The following MMS22L variants were observed in gnomAD, a reference collection of about 807,000 sequenced individuals.
The protein encoded by MMS22L is MMS22 like, DNA repair protein.
A neutral mutation model predicts 159.1 loss-of-function variants in MMS22L; 74 were observed. That is an observed-to-expected ratio of 0.47 (90% confidence interval 0.39 to 0.56). The LOEUF is 0.56. Ranked by LOEUF, MMS22L falls within the 20% of genes least tolerant of loss-of-function variation. The pLI, the probability that MMS22L is intolerant of heterozygous loss-of-function variation, is 0.00. For synonymous variants in MMS22L, 517 were observed against 506.9 expected (o/e 1.02, Z -0.27); for missense variants, 1,351 against 1,422.1 (o/e 0.95, Z 0.80).
intron 10 of MMS22L, among the ~76,000 whole-genome samples, chr6:97,249,011 C>A (rs774572740): frequency 6.8e-6 from 1 of 147,352 alleles, no homozygotes; most frequent in African/African-American, 2.5e-5. Flanking sequence ...AGGCTGGACA[C>A]ACCCACATAG....
intron 22 of MMS22L, among the ~76,000 whole-genome samples, chr6:97,158,269 C>T (rs1404045432): frequency 6.6e-6 from 1 of 152,048 alleles, no homozygotes; most frequent in African/African-American, 2.4e-5. Context: ...AAAACCAGCT[C>T]CTGGATTCAC....
intron 15 of MMS22L, among the ~76,000 whole-genome samples, chr6:97,183,929 C>T (rs1052990110): frequency 4.6e-5 from 7 of 152,250 alleles, no homozygotes; most frequent in Middle Eastern, 3.4e-3. Context: ...CTCTTTGACC[C>T]CTCTAGCTAC....
chr6:97,167,036 TTCC>T (rs1168895284), intron 20 of MMS22L, among the ~76,000 whole-genome samples: 1 of 152,162 alleles, frequency 6.6e-6, no homozygotes, highest in Non-Finnish European at 1.5e-5. Context: ...CATTTTCCCT[TTCC>T]TCCTCAGCTT....
chr6:97,153,252 C>T (rs1354428602), intron 22 of MMS22L, among the ~76,000 whole-genome samples: 1 of 151,856 alleles, frequency 6.6e-6, no homozygotes, highest in African/African-American at 2.4e-5. Context: ...AGTTGTACAA[C>T]CATCATCACA....
At chr6:97,147,886 T>C (rs1346573797) in intron 24 of MMS22L, among the ~76,000 whole-genome samples, 1 of 152,160 alleles carries the variant, frequency 6.6e-6, no homozygotes, top group African/African-American at 2.4e-5. Context: ...ATAATCAACA[T>C]AGTCATGTCT....
chr6:97,268,973 CA>C (rs1364204739), intron 7 of MMS22L, among the ~76,000 whole-genome samples: 4 of 151,966 alleles, frequency 2.6e-5, no homozygotes, highest in Non-Finnish European at 5.9e-5. Context: ...GACATCTTTA[CA>C]ACCTAAGTGA....
intron 24 of MMS22L, among the ~76,000 whole-genome samples, chr6:97,147,646 T>C (rs1800980828): frequency 6.6e-6 from 1 of 152,204 alleles, no homozygotes; most frequent in African/African-American, 2.4e-5. Context: ...GTGCATGAGC[T>C]TGTTTTGTGA....
intron 14 of MMS22L, among the ~76,000 whole-genome samples, chr6:97,220,368 C>A (rs1157623624): frequency 6.6e-6 from 1 of 152,066 alleles, no homozygotes; most frequent in Non-Finnish European, 1.5e-5. Flanking sequence ...CTAAAAGTTT[C>A]TTTTTAATGT....
intron 9 of MMS22L, chr6:97,260,292 T>A (rs1464876326): frequency 6.6e-6 from 1 of 152,150 alleles, no homozygotes; most frequent in Admixed American, 6.6e-5. Context: ...GGGATTGCAT[T>A]TATATGTACA....
intron 9 of MMS22L, among the ~76,000 whole-genome samples, chr6:97,257,972 T>G (rs1315113387): frequency 6.6e-6 from 1 of 152,212 alleles, no homozygotes; most frequent in Non-Finnish European, 1.5e-5. Flanking sequence ...CTGAAACAAT[T>G]ACCATGGAGG....
intron 14 of MMS22L, among the ~76,000 whole-genome samples, chr6:97,209,485 C>G (rs1210980957): frequency 1.3e-5 from 2 of 151,796 alleles, no homozygotes; most frequent in Admixed American, 1.3e-4. Flanking sequence ...ACTCTTCTAC[C>G]TTCACTGACC....
At chr6:97,202,714 C>A (rs971203113) in intron 14 of MMS22L, among the ~76,000 whole-genome samples, 10 of 152,192 alleles carry the variant, frequency 6.6e-5, no homozygotes, top group Non-Finnish European at 1.5e-4. Context: ...TCACTATAAA[C>A]CATCTTTGTT....
chr6:97,228,841 A>C, intron 14 of MMS22L, 53 bp downstream of exon 14: 2 of 1,482,068 alleles, frequency 1.3e-6, no homozygotes, highest in Non-Finnish European at 1.8e-6. Flanking sequence ...TAAAATCCAC[A>C]TAAGTAATTA....
chr6:97,210,868 A>C (rs1055592480), intron 14 of MMS22L, among the ~76,000 whole-genome samples: 1 of 151,984 alleles, frequency 6.6e-6, no homozygotes, highest in South Asian at 2.1e-4. Context: ...TCCAGAGGCC[A>C]CTTACCATCT....
rs540345835 is a variant in MMS22L at position 97,163,025 on chromosome 6, G to A, written c.3222-860C>T. On this transcript the variant is annotated intron_variant, in intron 21 of 24. Coordinates refer to ENST00000683635, the MANE Select transcript of MMS22L (RefSeq NM_001350599.2). Reference sequence around the variant, plus strand: ...ACTAAGTATTATAAACATAAGGACAGGAACTATGTCTTAGTAATTATTTCT... The same window carrying A: ...ACTAAGTATTATAAACATAAGGACAAGAACTATGTCTTAGTAATTATTTCT... 1.3e-4 allele frequency among the ~76,000 whole-genome samples: 20 copies of A among 151,978 alleles called. No homozygotes were observed. The South Asian group carries it at 3.9e-3, about 30-fold the overall frequency.
rs1427587078 is a variant in MMS22L at position 97,151,438 on chromosome 6, C to G, written c.3482+333G>C. On this transcript the variant is annotated intron_variant, in intron 23 of 24. Coordinates refer to ENST00000683635, the MANE Select transcript of MMS22L (RefSeq NM_001350599.2). ...GCACCTAGGTTTGTATAAGTACACTCTATTTGATGGTCACACAATGGTGAA... is the reference window on the plus strand; with the variant it reads ...GCACCTAGGTTTGTATAAGTACACTGTATTTGATGGTCACACAATGGTGAA... 1.4e-5 allele frequency: 4 copies of G among 294,046 alleles called. No individual in the cohort carries two copies. The Admixed American group carries it at 1.4e-4, about 10-fold the overall frequency. 18.2% of individuals were successfully genotyped at this position (294,046 alleles called of 1,614,324 possible).
At chr6:97,262,322 C>G (rs933425316) in intron 9 of MMS22L, among the ~76,000 whole-genome samples, 12 of 151,904 alleles carry the variant, frequency 7.9e-5, no homozygotes, top group African/African-American at 2.7e-4. Flanking sequence ...ACAGTACTTG[C>G]AAACCTACAA....
intron 14 of MMS22L, among the ~76,000 whole-genome samples, chr6:97,223,149 C>A (rs573222878): frequency 6.6e-6 from 1 of 152,218 alleles, no homozygotes; most frequent in East Asian, 1.9e-4. Flanking sequence ...TATTCCTAAA[C>A]AGCCTAGAGG....
intron 8 of MMS22L, 130 bp downstream of exon 8, chr6:97,267,742 A>G: frequency 1.2e-6 from 1 of 810,488 alleles, no homozygotes; most frequent in Non-Finnish European, 1.7e-6. Context: ...CAGCTCCCAG[A>G]TAATAGCAAC....
Sources: gnomAD v4.1 joint callset for allele counts (sites outside exome capture counted in the v4.1 genomes callset) on GRCh38, gnomAD v4.1.1 for gene constraint, MANE v1.5 for transcripts, NCBI Gene and HGNC (gene_info 2026-07-23, HGNC 2026-07-21) for gene names.